The following CADPS2 variants were observed in gnomAD, a reference collection of about 807,000 sequenced individuals.
CADPS2 encodes the protein calcium dependent secretion activator 2.
CADPS2 carries 93 observed loss-of-function variants against 172.5 expected under a neutral mutation model. The ratio of observed to expected loss-of-function variants is 0.54; its 90% confidence interval spans 0.46 to 0.64. The LOEUF (loss-of-function observed/expected upper bound fraction) is 0.64. Ranked by LOEUF, CADPS2 falls within the 30% of genes least tolerant of loss-of-function variation. The probability of loss-of-function intolerance (pLI) is 0.00; values close to 1 mark genes in which losing one functional copy is unlikely to be tolerated. For missense variants in CADPS2, 1,420 were observed against 1,565.9 expected (o/e 0.91, Z 1.57); for synonymous variants, 546 against 555.2 (o/e 0.98, Z 0.23).
At chr7:122,699,500 G>T (rs1456822409) in intron 2 of CADPS2, among the ~76,000 whole-genome samples, 1 of 152,134 alleles carries the variant, frequency 6.6e-6, no homozygotes, top group Non-Finnish European at 1.5e-5. Flanking sequence ...AAAGTGGTGA[G>T]CTTAGTGACA....
At chr7:122,503,052 GA>G (rs2059339568) in intron 9 of CADPS2, among the ~76,000 whole-genome samples, 1 of 125,390 alleles carries the variant, frequency 8.0e-6, no homozygotes, top group Non-Finnish European at 1.6e-5. Context: ...TTTTTTTTGA[GA>G]CGGGGTCTCG....
At chr7:122,489,847 T>G (rs1460402080) in intron 11 of CADPS2, among the ~76,000 whole-genome samples, 2 of 152,146 alleles carry the variant, frequency 1.3e-5, no homozygotes, top group African/African-American at 4.8e-5. Flanking sequence ...CTCTTGAGAT[T>G]TCTAGAAATA....
rs192297555 is a variant in CADPS2 at position 122,776,178 on chromosome 7, T to A, written c.340-39110A>T. Among the ~76,000 whole-genome samples the A allele has an allele frequency of 5.3e-5, 8 of 152,232 alleles. No individual in the cohort carries two copies. The East Asian group carries it at 1.5e-3, about 29-fold the overall frequency. On this transcript the variant is annotated intron_variant, in intron 1 of 29. Coordinates refer to ENST00000449022, the MANE Select transcript of CADPS2 (RefSeq NM_017954.11). ...ATGAGAGGGACCTGGAGCAAGGTAATAAAATCATGTGGGGCAGGTTTTTCC... is the reference window on the plus strand; with the variant it reads ...ATGAGAGGGACCTGGAGCAAGGTAAAAAAATCATGTGGGGCAGGTTTTTCC...
At chr7:122,509,311 A>G (rs1450721207) in intron 9 of CADPS2, among the ~76,000 whole-genome samples, 1 of 152,200 alleles carries the variant, frequency 6.6e-6, no homozygotes, top group African/African-American at 2.4e-5. Context: ...ACTCTGTGGC[A>G]TGGCTGACTG....
At chr7:122,434,496 A>T (rs746562857) in intron 17 of CADPS2, among the ~76,000 whole-genome samples, 26 of 152,158 alleles carry the variant, frequency 1.7e-4, no homozygotes, top group Non-Finnish European at 3.2e-4. Context: ...TTGTTTTCAG[A>T]TGGAACTAAC....
chr7:122,647,642 T>C (rs2078707233), intron 3 of CADPS2, among the ~76,000 whole-genome samples: 1 of 152,184 alleles, frequency 6.6e-6, no homozygotes, highest in South Asian at 2.1e-4. Flanking sequence ...ATTTAAGATA[T>C]TTTGAACCAA....
chr7:122,491,408 T>C lies in CADPS2; in HGVS notation c.1555A>G (p.Thr519Ala), dbSNP rs1422700892. ...TCTCTATAACTGCACATAGCAAAGGTATATTGGCTAACCTGCTCGAGAAAA... is the reference window on the plus strand; with the variant it reads ...TCTCTATAACTGCACATAGCAAAGGCATATTGGCTAACCTGCTCGAGAAAA... ...YFVLVQVSQYTFAMCSYREKK... is the reference protein window; with the variant it reads ...YFVLVQVSQYAFAMCSYREKK... The change falls in exon 10 of 30, where the codon ACC (threonine) becomes GCC (alanine). Residue 519 changes from threonine to alanine, a missense_variant. By Grantham distance (58) the Thr-to-Ala change is moderately conservative. Transcript: ENST00000449022. 4 of 1,602,350 alleles carry C rather than the reference T, an allele frequency of 2.5e-6. No homozygotes were observed. The highest frequency in any genetic ancestry group is 2.2e-5 in the East Asian group (1 of 44,494).
chr7:122,491,508 A>C (rs1189289786), intron 9 of CADPS2, 88 bp from the exon 10 acceptor site: 3 of 609,096 alleles, frequency 4.9e-6, no homozygotes, highest in Non-Finnish European at 8.3e-6. Context: ...CTCTTTTCCC[A>C]ATTAAAAATA....
chr7:122,660,440 A>G (rs761466189), intron 3 of CADPS2, among the ~76,000 whole-genome samples: 4 of 152,154 alleles, frequency 2.6e-5, no homozygotes, highest in African/African-American at 4.8e-5. Context: ...AAAGTGTTCA[A>G]TCAAAATTAC....
chr7:122,862,750 C>A (rs1817281478), intron 1 of CADPS2, among the ~76,000 whole-genome samples: 1 of 151,884 alleles, frequency 6.6e-6, no homozygotes, highest in African/African-American at 2.4e-5. Context: ...AAAGAATAAC[C>A]CTTTTTGCTA....
intron 11 of CADPS2, among the ~76,000 whole-genome samples, chr7:122,481,840 G>A (rs2057336584): frequency 6.6e-6 from 1 of 152,048 alleles, no homozygotes; most frequent in Admixed American, 6.6e-5. Flanking sequence ...GAGAAACTCT[G>A]TCTCTACTAA....
At chr7:122,787,969 C>T (rs1794427203) in intron 1 of CADPS2, among the ~76,000 whole-genome samples, 1 of 152,104 alleles carries the variant, frequency 6.6e-6, no homozygotes, top group African/African-American at 2.4e-5. Context: ...AAAGGAAGAT[C>T]CTGACAAATA....
At chr7:122,696,560 T>C (rs182076557) in intron 2 of CADPS2, among the ~76,000 whole-genome samples, 3 of 152,226 alleles carry the variant, frequency 2.0e-5, no homozygotes, top group Non-Finnish European at 4.4e-5. Flanking sequence ...GTGTCTGAAT[T>C]GCAGTATTGT....
intron 17 of CADPS2, among the ~76,000 whole-genome samples, chr7:122,416,752 A>C (rs2047969171): frequency 6.6e-6 from 1 of 152,218 alleles, no homozygotes; most frequent in Non-Finnish European, 1.5e-5. Flanking sequence ...GGAGGAAGGC[A>C]GAAGTGTTCT....
At chr7:122,439,842 C>T (rs1005261723) in intron 16 of CADPS2, among the ~76,000 whole-genome samples, 1 of 152,088 alleles carries the variant, frequency 6.6e-6, no homozygotes, top group Non-Finnish European at 1.5e-5. Context: ...GAACCACGAA[C>T]GTTACTATTA....
At chr7:122,835,024 A>T (rs1221580124) in intron 1 of CADPS2, among the ~76,000 whole-genome samples, 1 of 152,122 alleles carries the variant, frequency 6.6e-6, no homozygotes, top group Non-Finnish European at 1.5e-5. Context: ...CCTAATGGGG[A>T]GGCACCCCCC....
intron 1 of CADPS2, among the ~76,000 whole-genome samples, chr7:122,852,717 GGGA>G (rs1814019607): frequency 6.6e-6 from 1 of 152,110 alleles, no homozygotes; most frequent in African/African-American, 2.4e-5. Context: ...GGGGAGAGGT[GGGA>G]GGACAGATCA....
At chr7:122,705,654 A>G (rs1176731359) in intron 2 of CADPS2, among the ~76,000 whole-genome samples, 1 of 93,292 alleles carries the variant, frequency 1.1e-5, no homozygotes, top group East Asian at 2.5e-4. Context: ...ATTATATAAT[A>G]TATCTCATAT....
At chr7:122,497,161 A>T (rs1323530175) in intron 9 of CADPS2, among the ~76,000 whole-genome samples, 2 of 152,058 alleles carry the variant, frequency 1.3e-5, no homozygotes, top group African/African-American at 4.8e-5. Context: ...TTTGTTTAGT[A>T]TGCATCTGGT....
Sources: gnomAD v4.1 joint callset for allele counts (sites outside exome capture counted in the v4.1 genomes callset) on GRCh38, gnomAD v4.1.1 for gene constraint, MANE v1.5 for transcripts, NCBI Gene and HGNC (gene_info 2026-07-23, HGNC 2026-07-21) for gene names.